The following BANP variants were observed in gnomAD, a reference collection of about 807,000 sequenced individuals.
BANP encodes the protein BTG3 associated nuclear protein, also known as protein BANP.
A neutral mutation model predicts 68.1 loss-of-function variants in BANP; 11 were observed. That is an observed-to-expected ratio of 0.16 (90% confidence interval 0.10 to 0.27). BANP has a LOEUF of 0.27. Ranked by LOEUF, BANP falls within the 10% of genes least tolerant of loss-of-function variation. The pLI is 1.00. For synonymous variants in BANP, 329 were observed against 303.2 expected, an observed-to-expected ratio of 1.09 and a Z score of -0.88; for missense variants, 504 against 722.7, an observed-to-expected ratio of 0.70 and a Z score of 3.47.
chr16:87,985,366 G>T lies in BANP; in HGVS notation c.362+1107G>T, dbSNP rs182559866. The stretch of plus-strand genomic sequence containing the variant: ...CGTTCACGTGTTACTCTGAGATGGG[G>T]CCTTCACCCTGCACAAATGCTGTCA... On this transcript the variant is annotated intron_variant, in intron 4 of 13. Coordinates refer to ENST00000682872, the MANE Select transcript of BANP (RefSeq NM_001386991.1). Among the ~76,000 whole-genome samples the T allele has an allele frequency of 1.7e-3, 265 of 152,270 alleles. 1 individual carries two copies. Among genetic ancestry groups the T allele is most frequent in the African/African-American group, 6.2e-3 (256 of 41,546 alleles).
At chr16:87,988,893 C>T (rs141323000) in intron 4 of BANP, among the ~76,000 whole-genome samples, 1,763 of 152,290 alleles carry the variant, frequency 0.012, 33 homozygotes, top group African/African-American at 0.04. Flanking sequence ...CACTAAGGCC[C>T]CCTCTCTGTG....
intron 11 of BANP, among the ~76,000 whole-genome samples, chr16:88,038,608 C>T (rs1467324495): frequency 6.6e-6 from 1 of 152,124 alleles, no homozygotes; most frequent in Non-Finnish European, 1.5e-5. Context: ...CACAAACTTG[C>T]CAGCTTTCTA....
intron 13 of BANP, among the ~76,000 whole-genome samples, chr16:88,075,525 C>T (rs1187966013): frequency 6.6e-6 from 1 of 152,062 alleles, no homozygotes; most frequent in African/African-American, 2.4e-5. Flanking sequence ...TGAAGCAGGA[C>T]CTTAACTAGA....
chr16:88,026,144 C>T (rs940144162), intron 7 of BANP, among the ~76,000 whole-genome samples: 6 of 152,202 alleles, frequency 3.9e-5, no homozygotes, highest in African/African-American at 7.2e-5. Flanking sequence ...CTCTCCGTAG[C>T]GCAGGTGGTA....
chr16:88,036,534 T>G lies in BANP; in HGVS notation c.1272+1140T>G, dbSNP rs2079409467. Among the ~76,000 whole-genome samples, 1 of 151,816 alleles carries G rather than the reference T, an allele frequency of 6.6e-6. No homozygotes were observed. The highest frequency in any genetic ancestry group is 2.4e-5 in the African/African-American group (1 of 41,268). On this transcript the variant is annotated intron_variant, in intron 10 of 13. Coordinates refer to ENST00000682872, the MANE Select transcript of BANP (RefSeq NM_001386991.1). This position sits in a 1 kb window ranked among gnomAD's most constrained non-coding sequence, Gnocchi z 4.2. ...GTGGAGCACCAGGGACTCGGGCGTGTCTGCTGGCAGTGGCTTTAATTTGGA... is the reference window on the plus strand; with the variant it reads ...GTGGAGCACCAGGGACTCGGGCGTGGCTGCTGGCAGTGGCTTTAATTTGGA...
At chr16:88,069,275 C>G (rs2089671757) in intron 12 of BANP, among the ~76,000 whole-genome samples, 1 of 152,218 alleles carries the variant, frequency 6.6e-6, no homozygotes, top group Non-Finnish European at 1.5e-5. Flanking sequence ...TTCTTGCCAG[C>G]CAGACATTCA....
intron 11 of BANP, among the ~76,000 whole-genome samples, chr16:88,056,586 C>G (rs535514968): frequency 6.6e-6 from 1 of 151,936 alleles, no homozygotes; most frequent in African/African-American, 2.4e-5. Context: ...GCTGAAATGT[C>G]TTTATCACAA....
intron 4 of BANP, among the ~76,000 whole-genome samples, chr16:87,995,414 T>C (rs2066927485): frequency 6.6e-6 from 1 of 152,234 alleles, no homozygotes; most frequent in South Asian, 2.1e-4. Context: ...GGAGAAAATG[T>C]TCTTAGGGAA....
At chr16:88,028,385 A>C (rs1204635866) in intron 8 of BANP, among the ~76,000 whole-genome samples, 1 of 152,094 alleles carries the variant, frequency 6.6e-6, no homozygotes, top group Non-Finnish European at 1.5e-5. Flanking sequence ...AAGTCCTGGG[A>C]GTTGCAGACC....
rs149889657 is a variant in BANP, at chr16:87,961,407, G to GCCCCCCC, written c.-69+9893_-69+9894insCCCCCCC. On this transcript the variant is annotated intron_variant, in intron 1 of 13. Transcript: ENST00000682872. ...TCGAACTCCTGGACTCACAGAATCT[G>GCCCCCCC]CACCCCCCCGGGCCTCCCAAAGTGC... Among the ~76,000 whole-genome samples the GCCCCCCC allele has an allele frequency of 2.5e-4, 29 of 117,604 alleles. 9 individuals carry two copies. Among genetic ancestry groups the GCCCCCCC allele is most frequent in the Non-Finnish European group, 4.4e-4 (22 of 49,676 alleles). The allele number at this position is 117,604 out of a possible 152,430, so 77.2% of individuals were successfully genotyped here.
At chr16:88,037,602 C>T (rs1362546958) in intron 10 of BANP, 34 of 286,188 alleles carry the variant, frequency 1.2e-4, no homozygotes, top group Non-Finnish European at 2.0e-4. Context: ...CTCAGCAAGG[C>T]GTCCCCCTTC....
intron 7 of BANP, among the ~76,000 whole-genome samples, chr16:88,027,201 G>C (rs1322507816): frequency 6.6e-6 from 1 of 152,218 alleles, no homozygotes; most frequent in Admixed American, 6.5e-5. Context: ...CACCTGGTGT[G>C]GGCCGACCGA....
At chr16:88,012,850 GA>G (rs1188339006) in intron 6 of BANP, among the ~76,000 whole-genome samples, 2 of 152,192 alleles carry the variant, frequency 1.3e-5, no homozygotes, top group Admixed American at 1.3e-4. Flanking sequence ...GACGGCCTAA[GA>G]AAAAAGGATA....
rs758992433 is a variant in BANP at position 88,027,623 on chromosome 16, C to T, written c.1036C>T (p.Pro346Ser). The T allele has an allele frequency of 1.2e-6, 2 of 1,613,644 alleles. No individual in the cohort carries two copies. The highest frequency in any genetic ancestry group is 1.7e-6 in the Non-Finnish European group (2 of 1,179,884). Residue 346 changes from proline (P) to serine (S), a missense_variant, in exon 8 of 14, where the codon CCC becomes TCC. By Grantham distance (74) the Pro-to-Ser change is moderately conservative (BLOSUM62 -1). Coordinates refer to ENST00000682872, the MANE Select transcript of BANP (RefSeq NM_001386991.1). ...GGTCAAGAGCTTCTCGCGGAGAACG[C>T]CCAACTCGTCCTCCTACTGCCCTTC... ...LAVKSFSRRT[P>S]NSSSYCPSEP...
chr16:88,037,982 C>T lies in BANP; in HGVS notation c.1282C>T (p.Gln428Ter). The T allele has an allele frequency of 6.2e-7, 1 of 1,613,900 alleles. No individual in the cohort carries two copies. Among genetic ancestry groups the T allele is most frequent in the Non-Finnish European group, 8.5e-7 (1 of 1,179,828 alleles). ...CTCTCGTTCTTTGTAGGGCAACCTC[C>T]AGATCCATCACGTGGGGCAGGACGG... The part of the protein sequence containing the change: ...QITQDSEGNL[Q>*]IHHVGQDGQL... The change falls in exon 11 of 14, where the codon CAG (glutamine) becomes TAG (stop). Residue 428 changes from glutamine to a stop codon, truncating the protein, a stop_gained. Coordinates refer to ENST00000682872, the MANE Select transcript of BANP (RefSeq NM_001386991.1). LOFTEE classifies it high-confidence loss of function.
chr16:87,969,586 G>A (rs2060740944), intron 1 of BANP, among the ~76,000 whole-genome samples: 1 of 148,662 alleles, frequency 6.7e-6, no homozygotes, highest in Non-Finnish European at 1.5e-5. Context: ...AGTGTGGAGT[G>A]CAATGGCGTG....
chr16:87,981,441 G>A (rs1244747763), intron 3 of BANP, among the ~76,000 whole-genome samples: 1 of 152,098 alleles, frequency 6.6e-6, no homozygotes, highest in Non-Finnish European at 1.5e-5. Context: ...CTCTAGTAAG[G>A]ACTTGTCATT....
At chr16:87,976,491 G>A (rs374587291) in intron 2 of BANP, among the ~76,000 whole-genome samples, 1 of 10,062 alleles carries the variant, frequency 9.9e-5, no homozygotes, top group Non-Finnish European at 1.9e-4. Context: ...TTTTTTTTTG[G>A]CCATAAAGTA....
rs1308810404 is a variant in BANP, at chr16:88,003,861, G to T, written c.363-434G>T. On this transcript the variant is annotated intron_variant, in intron 4 of 13. Transcript: ENST00000682872. This position sits in a 1 kb window ranked among gnomAD's most constrained non-coding sequence, Gnocchi z 6.1. ...AACACTTACGTGGTTACGAACGTTA[G>T]ATCTGTCCCATAGGAATGAGTTGGG... 3.3e-6 allele frequency: 1 copy of T among 298,760 alleles called. No individual in the cohort carries two copies. The highest frequency in any genetic ancestry group is 2.2e-5 in the African/African-American group (1 of 45,260). 18.5% of individuals were successfully genotyped at this position (298,760 alleles called of 1,614,324 possible).
Sources: allele counts gnomAD v4.1 joint callset (sites outside exome capture counted in the v4.1 genomes callset), GRCh38; gene constraint gnomAD v4.1.1; non-coding constraint Gnocchi (gnomAD v3.1); transcripts MANE v1.5; gene names NCBI Gene and HGNC (gene_info 2026-07-23, HGNC 2026-07-21).